Variants in PPIL3 observed in about 807,000 individuals in gnomAD.
PPIL3 encodes peptidylprolyl isomerase like 3.
In PPIL3, 13 loss-of-function variants were observed where a neutral mutation model predicts 20.9. That is an observed-to-expected ratio of 0.62 (90% CI 0.40 to 0.99). PPIL3 has a LOEUF of 0.99. Among genes scored for constraint, PPIL3 ranks in the 50% least tolerant of loss-of-function variants. PPIL3 has a pLI of 0.00. For missense variants in PPIL3, 170 were observed against 195.2 expected (o/e 0.87, Z 0.77); for synonymous variants, 71 against 64.4 (o/e 1.10, Z -0.49).
intron 6 of PPIL3, among the ~76,000 whole-genome samples, chr2:200,874,321 A>C (rs2039434550): frequency 6.6e-6 from 1 of 152,170 alleles, no homozygotes; most frequent in South Asian, 2.1e-4. Flanking sequence ...TTAAGTCTTT[A>C]AATTATAAGT....
At chr2:200,879,310 G>A (rs1163643045) in intron 5 of PPIL3, among the ~76,000 whole-genome samples, 1 of 151,876 alleles carries the variant, frequency 6.6e-6, no homozygotes, top group Non-Finnish European at 1.5e-5. Context: ...TGGCAGAGAC[G>A]GGGTTTCACT....
Position 200,885,785 on chromosome 2 carries a change from G to C in PPIL3, c.4-13C>G. On this transcript the variant is annotated splice_polypyrimidine_tract_variant and intron_variant, in intron 2 of 6. Transcript: ENST00000392283. The stretch of plus-strand genomic sequence containing the variant: ...GCAGTGTCACAGACTAAAAAGGAGA[G>C]AAAATGTGAGAACAAATGAAATTTA... 6.7e-7 allele frequency: 1 copy of C among 1,485,816 alleles called. No homozygotes were observed. Among genetic ancestry groups the C allele is most frequent in the East Asian group, 2.3e-5 (1 of 43,744 alleles). 92.0% of individuals were successfully genotyped at this position (1,485,816 alleles called of 1,614,324 possible).
chr2:200,878,012 C>T (rs1286180849), intron 5 of PPIL3, among the ~76,000 whole-genome samples: 3 of 152,234 alleles, frequency 2.0e-5, no homozygotes, highest in African/African-American at 7.2e-5. Flanking sequence ...ACCAATTACT[C>T]TAGCTTTAGC....
intron 6 of PPIL3, among the ~76,000 whole-genome samples, chr2:200,874,171 T>G (rs186048804): frequency 6.7e-6 from 1 of 148,182 alleles, no homozygotes; most frequent in East Asian, 2.0e-4. Flanking sequence ...CGCCACTGCA[T>G]TCCAGCCTGG....
chr2:200,875,551 C>T lies in PPIL3; in HGVS notation c.359+1368G>A, dbSNP rs564843896. 5.9e-5 allele frequency among the ~76,000 whole-genome samples: 9 copies of T among 151,968 alleles called. No homozygotes were observed. The East Asian group carries it at 1.7e-3, about 29-fold the overall frequency. ...AAAGTGCTGGGATTACAGGTGTGAG[C>T]CACCGCACCCGGCTTTTCTTTTTTT... On this transcript the variant is annotated intron_variant, in intron 6 of 6. Coordinates refer to ENST00000392283, the MANE Select transcript of PPIL3 (RefSeq NM_130906.3).
chr2:200,888,754 G>C (rs2040073812), intron 1 of PPIL3, among the ~76,000 whole-genome samples: 1 of 152,114 alleles, frequency 6.6e-6, no homozygotes, highest in African/African-American at 2.4e-5. Flanking sequence ...TCGAACTCCT[G>C]ACTTCAGGTG....
At chr2:200,888,132 A>G (rs893544556) in intron 1 of PPIL3, among the ~76,000 whole-genome samples, 17 of 151,042 alleles carry the variant, frequency 1.1e-4, no homozygotes, top group Non-Finnish European at 2.4e-4. Flanking sequence ...ATCCTACCCG[A>G]TTCAAGCCTC....
chr2:200,878,391 A>ATT (rs760527328), intron 5 of PPIL3, among the ~76,000 whole-genome samples: 5 of 128,786 alleles, frequency 3.9e-5, no homozygotes, highest in African/African-American at 5.8e-5. Context: ...TCATTTTTTC[A>ATT]TTTTTTTTTT....
rs753137881 is a variant in PPIL3, at chr2:200,881,454, C to G, written c.207G>C (p.Lys69Asn). 2 of 1,613,454 alleles carry G rather than the reference C, an allele frequency of 1.2e-6. No individual in the cohort carries two copies. The highest frequency in any genetic ancestry group is 1.7e-6 in the Non-Finnish European group (2 of 1,179,792). The part of the protein sequence containing the change: ...TGRGGNSIWG[K>N]KFEDEYSEYL... ...ATTCACTGTATTCATCCTCAAACTT[C>G]TTGCCCCAAATACTGTTGCCTCCTC... The change falls in exon 5 of 7, where the codon AAG (lysine) becomes AAC (asparagine). Residue 69 changes from lysine to asparagine, a missense_variant. By Grantham distance (94) the Lys-to-Asn change is moderately conservative. Coordinates refer to ENST00000392283, the MANE Select transcript of PPIL3 (RefSeq NM_130906.3).
chr2:200,877,077 T>C, intron 5 of PPIL3, 40 bp from the exon 6 acceptor site: 5 of 1,289,318 alleles, frequency 3.9e-6, no homozygotes, highest in Non-Finnish European at 5.6e-6. Flanking sequence ...TGTTTTTATA[T>C]AACCATCCCA....
rs79216126 is a variant in PPIL3 at position 200,878,328 on chromosome 2, T to A, written c.241-1291A>T. 7.6e-3 allele frequency among the ~76,000 whole-genome samples: 1,158 copies of A among 152,228 alleles called. 16 individuals carry two copies. Among genetic ancestry groups the A allele is most frequent in the African/African-American group, 0.027 (1,117 of 41,528 alleles). ...CATATATCCATGTGCTCCTCTCCAT[T>A]TATTACCTCAGCCTCTACAAGAGGT... On this transcript the variant is annotated intron_variant, in intron 5 of 6. Coordinates refer to ENST00000392283, the MANE Select transcript of PPIL3 (RefSeq NM_130906.3).
chr2:200,887,830 G>A (rs902291828), intron 1 of PPIL3, 145 bp from the exon 2 acceptor site: 19 of 370,460 alleles, frequency 5.1e-5, no homozygotes, highest in African/African-American at 3.4e-4. Flanking sequence ...GCCGAGGCGG[G>A]TGGATCACTT....
intron 6 of PPIL3, among the ~76,000 whole-genome samples, chr2:200,875,321 G>A (rs935970553): frequency 1.3e-5 from 2 of 151,760 alleles, no homozygotes; most frequent in Non-Finnish European, 2.9e-5. Context: ...AGGCTGGAGT[G>A]CAGTGGCGCA....
intron 5 of PPIL3, chr2:200,877,742 A>C (rs762767333): frequency 6.6e-6 from 1 of 152,194 alleles, no homozygotes; most frequent in Non-Finnish European, 1.5e-5. Flanking sequence ...TGAATAGGCT[A>C]TCTCTTGATT....
At chr2:200,871,569 A>G (rs2039306851) in intron 6 of PPIL3, 48 bp from the exon 7 acceptor site, 1 of 1,513,412 alleles carries the variant, frequency 6.6e-7, no homozygotes, top group African/African-American at 1.4e-5. Flanking sequence ...AAATTGAAAC[A>G]TGATATCCAT....
intron 2 of PPIL3, among the ~76,000 whole-genome samples, chr2:200,886,579 C>T (rs1308442339): frequency 6.6e-6 from 1 of 152,122 alleles, no homozygotes; most frequent in Non-Finnish European, 1.5e-5. Context: ...GGATATGCCA[C>T]AACACCCAGA....
chr2:200,885,427 C>A (rs2039896722), intron 3 of PPIL3: 1 of 379,176 alleles, frequency 2.6e-6, no homozygotes, highest in African/African-American at 2.1e-5. Flanking sequence ...AATATAATGT[C>A]CTAATGATTA....
intron 3 of PPIL3, among the ~76,000 whole-genome samples, chr2:200,884,490 T>C (rs956620515): frequency 6.6e-6 from 1 of 151,950 alleles, no homozygotes; most frequent in African/African-American, 2.4e-5. Flanking sequence ...ATAATTCCAA[T>C]ACTTCAGGAA....
At chr2:200,877,247 A>C (rs2039557719) in intron 5 of PPIL3, among the ~76,000 whole-genome samples, 3 of 152,222 alleles carry the variant, frequency 2.0e-5, no homozygotes, top group African/African-American at 7.2e-5. Flanking sequence ...GGTGTGAATC[A>C]GCACACCCAG....
Sources: allele counts gnomAD v4.1 joint callset (sites outside exome capture counted in the v4.1 genomes callset), GRCh38; gene constraint gnomAD v4.1.1; transcripts MANE v1.5; gene names NCBI Gene and HGNC (gene_info 2026-07-23, HGNC 2026-07-21).